ADAMTS2: variants seen among roughly 807,000 people sequenced by gnomAD.
ADAMTS2 encodes ADAM metallopeptidase with thrombospondin type 1 motif 2.
A neutral mutation model predicts 123.0 loss-of-function variants in ADAMTS2; 50 were observed. The ratio of observed to expected loss-of-function variants is 0.41; its 90% CI spans 0.32 to 0.51. The LOEUF (loss-of-function observed/expected upper bound fraction) is 0.51, where lower values mean the gene tolerates loss of function less well. ADAMTS2 is among the 20% of genes least tolerant of loss of function. The pLI is 0.35. For synonymous variants in ADAMTS2, 678 were observed against 695.4 expected (o/e 0.98, Z 0.39); for missense variants, 1,494 against 1,705.2 (o/e 0.88, Z 2.18).
chr5:179,154,149 C>G lies in ADAMTS2; in HGVS notation c.1282G>C (p.Glu428Gln), dbSNP rs377676303. ...GCCATGATGCTGCCCAGCCGCACCT[C>G]GTCGCCACAGCGGTTGCCCTGCCCG... ...HDGQGNRCGD[E>Q]VRLGSIMAPL... Residue 428 changes from glutamate (E) to glutamine (Q), a missense_variant, in exon 8 of 22, where the codon GAG (glutamate) becomes CAG (glutamine). Glu to Gln is a conservative substitution (Grantham distance 29). Coordinates refer to ENST00000251582, the MANE Select transcript of ADAMTS2 (RefSeq NM_014244.5). 6.3e-7 allele frequency: 1 copy of G among 1,579,306 alleles called. No individual in the cohort carries two copies. The highest frequency in any genetic ancestry group is 1.3e-5 in the African/African-American group (1 of 74,694).
intron 2 of ADAMTS2, among the ~76,000 whole-genome samples, chr5:179,327,627 G>A (rs1190868775): frequency 6.6e-6 from 1 of 152,182 alleles, no homozygotes; most frequent in Non-Finnish European, 1.5e-5. Context: ...CAAGAGAGCA[G>A]GGAAAGGAAA....
In ADAMTS2 at chr5:179,129,708, C is replaced by T. The variant is rs1488238718; in HGVS notation, c.2457+224G>A. ...CCGAAACCCTCAAAGGGAGAGTGTG[C>T]CCAAGGTCACCTAGGGGTCATGTGG... On this transcript the variant is annotated intron_variant, in intron 16 of 21. Coordinates refer to ENST00000251582, the MANE Select transcript of ADAMTS2 (RefSeq NM_014244.5). The surrounding 1 kb of genome is among the most constrained non-coding windows in gnomAD (Gnocchi z 4.1). Among the ~76,000 whole-genome samples the T allele has an allele frequency of 2.6e-5, 4 of 152,204 alleles. No individual in the cohort carries two copies. Among genetic ancestry groups the T allele is most frequent in the African/African-American group, 9.6e-5 (4 of 41,452 alleles).
chr5:179,255,218 A>C (rs549626108), intron 3 of ADAMTS2, among the ~76,000 whole-genome samples: 53 of 152,326 alleles, frequency 3.5e-4, no homozygotes, highest in Middle Eastern at 3.4e-3. Context: ...CGGATGACAG[A>C]TGGATAAATG....
Position 179,273,028 on chromosome 5 carries a change from TG to T in ADAMTS2, c.570del (p.Phe190LeufsTer57). On this transcript the variant is annotated frameshift_variant, in exon 3 of 22. Coordinates refer to ENST00000251582, the MANE Select transcript of ADAMTS2 (RefSeq NM_014244.5). LOFTEE classifies it high-confidence loss of function. ...GLIRMEEEEF[F>X]IEPLEKGLAA... is the part of the protein sequence containing the mutation. The stretch of plus-strand genomic sequence containing the variant: ...GCCAGCCCCTTCTCCAAGGGTTCGA[TG>T]AAGAACTCCTCCTCCTCCATCCGGA... The T allele has an allele frequency of 6.2e-7, 1 of 1,613,494 alleles. No individual in the cohort carries two copies. Among genetic ancestry groups the T allele is most frequent in the Non-Finnish European group, 8.5e-7 (1 of 1,180,010 alleles).
At chr5:179,125,942 C>T (rs940425455) in intron 18 of ADAMTS2, 56 bp downstream of exon 18, 44 of 1,610,112 alleles carry the variant, frequency 2.7e-5, no homozygotes, top group East Asian at 4.5e-5. Context: ...GCACGGGAGC[C>T]CCTGGTGGCC....
chr5:179,169,065 C>T (rs1186721123), intron 5 of ADAMTS2, among the ~76,000 whole-genome samples: 1 of 152,220 alleles, frequency 6.6e-6, no homozygotes, highest in East Asian at 1.9e-4. Flanking sequence ...GAAGAGGGGC[C>T]TCCTGCTAGA....
At chr5:179,205,260 C>A (rs1203563021) in intron 4 of ADAMTS2, among the ~76,000 whole-genome samples, 3 of 152,190 alleles carry the variant, frequency 2.0e-5, no homozygotes, top group South Asian at 2.1e-4. Context: ...ATTTGGTCAG[C>A]GCCCTTGGTG....
At chr5:179,137,269 C>T (rs570120076) in intron 12 of ADAMTS2, among the ~76,000 whole-genome samples, 2 of 152,202 alleles carry the variant, frequency 1.3e-5, no homozygotes, top group Non-Finnish European at 2.9e-5. Flanking sequence ...AGCTGCCACA[C>T]AAGCACTGCC....
At chr5:179,205,757 G>GTTATTATTATTATTATTA (rs148528271) in intron 4 of ADAMTS2, among the ~76,000 whole-genome samples, 1,489 of 115,912 alleles carry the variant, frequency 0.013, 14 homozygotes, top group African/African-American at 0.021. Context: ...TGGTTTTATT[G>GTTATTATTATTATTATTA]TTATTATTAT....
intron 2 of ADAMTS2, among the ~76,000 whole-genome samples, chr5:179,323,655 C>A (rs457316): frequency 3.9e-5 from 6 of 152,116 alleles, no homozygotes; most frequent in Non-Finnish European, 7.4e-5. Flanking sequence ...GCAGCAACCC[C>A]AGACTTAACA....
At chr5:179,325,682 G>A (rs747078073) in intron 2 of ADAMTS2, among the ~76,000 whole-genome samples, 10 of 152,260 alleles carry the variant, frequency 6.6e-5, no homozygotes, top group South Asian at 2.1e-4. Flanking sequence ...TCTCTCTGCC[G>A]GGCGGCTGGT....
chr5:179,223,596 G>A (rs935324067), intron 3 of ADAMTS2, among the ~76,000 whole-genome samples: 3 of 135,550 alleles, frequency 2.2e-5, no homozygotes, highest in African/African-American at 5.5e-5. Flanking sequence ...GCACTCACGC[G>A]TGAATGCACT....
chr5:179,329,658 T>C (rs892195827), intron 2 of ADAMTS2, among the ~76,000 whole-genome samples: 7 of 152,064 alleles, frequency 4.6e-5, no homozygotes, highest in Non-Finnish European at 7.4e-5. Context: ...AGAAAGCAAC[T>C]AGAGAGGCTG....
At chr5:179,320,980 A>C (rs1358864472) in intron 2 of ADAMTS2, among the ~76,000 whole-genome samples, 1 of 152,198 alleles carries the variant, frequency 6.6e-6, no homozygotes, top group African/African-American at 2.4e-5. Context: ...GGGAAAAAAA[A>C]CAACTGAAAA....
chr5:179,303,074 G>C lies in ADAMTS2; in HGVS notation c.535-30010C>G, dbSNP rs1756576510. Among the ~76,000 whole-genome samples, 2 of 152,058 alleles carry C rather than the reference G, an allele frequency of 1.3e-5. No homozygotes were observed. The highest frequency in any genetic ancestry group is 2.4e-5 in the African/African-American group (1 of 41,384). ...CTTCCTCTGCTGTGGGGAGGAGATT[G>C]GATTTTCTCCTCTGTGCAGTGGGCA... On this transcript the variant is annotated intron_variant, in intron 2 of 21. Transcript: ENST00000251582. This position sits in a 1 kb window ranked among gnomAD's most constrained non-coding sequence, Gnocchi z 4.7.
At chr5:179,184,945 G>A (rs769766050) in intron 4 of ADAMTS2, among the ~76,000 whole-genome samples, 4 of 152,222 alleles carry the variant, frequency 2.6e-5, no homozygotes, top group Non-Finnish European at 5.9e-5. Flanking sequence ...GCCCACTGGG[G>A]CCTGGAAGGA....
At chr5:179,249,743 T>C (rs1765876909) in intron 3 of ADAMTS2, among the ~76,000 whole-genome samples, 1 of 152,142 alleles carries the variant, frequency 6.6e-6, no homozygotes, top group Non-Finnish European at 1.5e-5. Flanking sequence ...AGTAAAGAGC[T>C]TGAATCAGTC....
At chr5:179,329,782 A>C (rs1477428214) in intron 2 of ADAMTS2, among the ~76,000 whole-genome samples, 1 of 152,174 alleles carries the variant, frequency 6.6e-6, no homozygotes, top group East Asian at 1.9e-4. Flanking sequence ...AGGGAGAACC[A>C]ATCAGCTTCA....
intron 2 of ADAMTS2, among the ~76,000 whole-genome samples, chr5:179,318,608 C>T (rs1038409203): frequency 3.9e-5 from 6 of 152,324 alleles, no homozygotes; most frequent in South Asian, 2.1e-4. Flanking sequence ...AGTTAGAAGA[C>T]GACAAGGGCC....
Sources: allele counts gnomAD v4.1 joint callset (sites outside exome capture counted in the v4.1 genomes callset), GRCh38; gene constraint gnomAD v4.1.1; non-coding constraint Gnocchi (gnomAD v3.1); transcripts MANE v1.5; gene names NCBI Gene and HGNC (gene_info 2026-07-23, HGNC 2026-07-21).